DDX19A: variants seen among roughly 807,000 people sequenced by gnomAD.
DDX19A encodes DEAD-box helicase 19A.
In DDX19A, 12 loss-of-function variants were observed where a neutral mutation model predicts 60.6. The ratio of observed to expected loss-of-function variants is 0.20; its 90% CI spans 0.13 to 0.32. The LOEUF (loss-of-function observed/expected upper bound fraction) is 0.32, where lower values mean the gene tolerates loss of function less well. Among genes scored for constraint, DDX19A ranks in the 10% least tolerant of loss-of-function variants. The pLI is 1.00. For missense variants in DDX19A, 337 were observed against 600.6 expected (o/e 0.56, Z 4.59); for synonymous variants, 206 against 218.2 (o/e 0.94, Z 0.49).
At chr16:70,350,517 G>A in intron 1 of DDX19A, 40 bp from the exon 2 acceptor site, 1 of 1,516,150 alleles carries the variant, frequency 6.6e-7, no homozygotes. Flanking sequence ...CCTTTTATTG[G>A]GTCCTTTGCT....
chr16:70,356,798 C>A, intron 4 of DDX19A: 1 of 1,039,290 alleles, frequency 9.6e-7, no homozygotes, highest in Non-Finnish European at 1.3e-6. Context: ...TTTAATGCTT[C>A]AAATTGATTT....
rs143587827 is a variant in DDX19A at position 70,349,568 on chromosome 16, G to A, written c.58-989G>A. Among the ~76,000 whole-genome samples the A allele has an allele frequency of 8.5e-4, 130 of 152,226 alleles. 2 individuals carry two copies. The highest frequency in any genetic ancestry group is 2.9e-3 in the African/African-American group (121 of 41,542). ...AGGCCTGCTGTGTTCTCTTCTGCCC[G>A]GTAGCCATCAGACATTTGGAAATAC... On this transcript the variant is annotated intron_variant, in intron 1 of 11. Coordinates refer to ENST00000302243, the MANE Select transcript of DDX19A (RefSeq NM_018332.5).
chr16:70,359,016 T>C (rs1964297790), intron 4 of DDX19A, among the ~76,000 whole-genome samples: 1 of 152,182 alleles, frequency 6.6e-6, no homozygotes, highest in Non-Finnish European at 1.5e-5. Context: ...CCTTTTTAAA[T>C]TTCTTCCCTT....
chr16:70,362,456 A>G (rs1444298947), intron 5 of DDX19A, among the ~76,000 whole-genome samples: 1 of 152,176 alleles, frequency 6.6e-6, no homozygotes. Flanking sequence ...GACCTACACA[A>G]AGGTGTAAAG....
intron 10 of DDX19A, 166 bp from the exon 11 acceptor site, chr16:70,371,206 G>A (rs1964677356): frequency 8.3e-7 from 1 of 1,198,404 alleles, no homozygotes; most frequent in Non-Finnish European, 1.2e-6. Flanking sequence ...TTTCCTCTGG[G>A]TTCTGTTGCC....
At chr16:70,357,366 G>GTTTTTTTTTGTTTTTTT (rs1964237650) in intron 4 of DDX19A, among the ~76,000 whole-genome samples, 1 of 44,596 alleles carries the variant, frequency 2.2e-5, no homozygotes, top group Non-Finnish European at 4.1e-5. Flanking sequence ...TTTTTGGTTT[G>GTTTTTTTTTGTTTTTTT]TTTTTTTTTT....
chr16:70,354,277 G>A (rs1252514860), intron 2 of DDX19A, among the ~76,000 whole-genome samples: 1 of 151,976 alleles, frequency 6.6e-6, no homozygotes, highest in Non-Finnish European at 1.5e-5. Context: ...TTCCCGAATA[G>A]CTGGGATTAC....
chr16:70,347,318 G>T, intron 1 of DDX19A: 1 of 507,894 alleles, frequency 2.0e-6, no homozygotes, highest in East Asian at 3.3e-5. Flanking sequence ...CCTCGGTGAC[G>T]ATTATAAGGA....
chr16:70,356,910 AG>A (rs1314693099), intron 4 of DDX19A: 3 of 1,246,320 alleles, frequency 2.4e-6, no homozygotes, highest in Non-Finnish European at 3.1e-6. Context: ...TGATTAGGTA[AG>A]CCCTTAAGTG....
At chr16:70,364,020 T>C (rs1461497737) in intron 5 of DDX19A, 1 of 152,704 alleles carries the variant, frequency 6.5e-6, no homozygotes, top group East Asian at 1.9e-4. Context: ...ATGACAGGCG[T>C]AAGCCATATT....
At chr16:70,361,668 T>C (rs1964367556) in intron 5 of DDX19A, 158 bp downstream of exon 5, 2 of 585,254 alleles carry the variant, frequency 3.4e-6, no homozygotes, top group South Asian at 2.2e-5. Context: ...TGGAGTTAGC[T>C]ACAGTTTCTG....
chr16:70,371,889 C>T, intron 11 of DDX19A, 36 bp from the exon 12 acceptor site: 1 of 1,613,968 alleles, frequency 6.2e-7, no homozygotes, highest in Non-Finnish European at 8.5e-7. Flanking sequence ...GGGCACATTC[C>T]TGGGCAGGGT....
intron 5 of DDX19A, among the ~76,000 whole-genome samples, chr16:70,362,975 T>G (rs1964413073): frequency 6.7e-6 from 1 of 148,744 alleles, no homozygotes; most frequent in African/African-American, 2.5e-5. Context: ...GATTACACCA[T>G]TGCACTCCAG....
At chr16:70,349,011 T>A (rs1963935234) in intron 1 of DDX19A, among the ~76,000 whole-genome samples, 1 of 152,160 alleles carries the variant, frequency 6.6e-6, no homozygotes, top group African/African-American at 2.4e-5. Flanking sequence ...GGAAACATCT[T>A]GGTAAGTACC....
chr16:70,365,303 T>A, intron 7 of DDX19A, 172 bp downstream of exon 7: 1 of 454,636 alleles, frequency 2.2e-6, no homozygotes. Context: ...ACAGTCTTTT[T>A]CAGTCTTAAA....
At chr16:70,369,758 ACAGGC>A (rs1964627617) in intron 9 of DDX19A, among the ~76,000 whole-genome samples, 1 of 151,362 alleles carries the variant, frequency 6.6e-6, no homozygotes, top group South Asian at 2.1e-4. Flanking sequence ...GCTGGGACTT[ACAGGC>A]CTACACCACC....
chr16:70,365,948 CTG>C, intron 7 of DDX19A, 135 bp from the exon 8 acceptor site: 2 of 1,338,468 alleles, frequency 1.5e-6, no homozygotes, highest in South Asian at 2.6e-5. Flanking sequence ...GAGACCAAGA[CTG>C]AGGGGAACAC....
At chr16:70,370,195 C>T in intron 9 of DDX19A, 28 bp from the exon 10 acceptor site, 1 of 1,602,886 alleles carries the variant, frequency 6.2e-7, no homozygotes, top group Non-Finnish European at 8.5e-7. Flanking sequence ...CAAATACTTT[C>T]ATTTCTCAAT....
At chr16:70,352,913 C>T (rs1964067948) in intron 2 of DDX19A, among the ~76,000 whole-genome samples, 1 of 152,106 alleles carries the variant, frequency 6.6e-6, no homozygotes, top group East Asian at 1.9e-4. Flanking sequence ...GCTGGGATTA[C>T]AGGCTTGAGC....
Sources: gnomAD v4.1 joint callset for allele counts (sites outside exome capture counted in the v4.1 genomes callset) on GRCh38, gnomAD v4.1.1 for gene constraint, MANE v1.5 for transcripts, NCBI Gene and HGNC (gene_info 2026-07-23, HGNC 2026-07-21) for gene names.